Variants in NBR1 observed in about 807,000 individuals in gnomAD.
The protein encoded by NBR1 is next to BRCA1 gene 1 protein.
Under a neutral mutation model 115.5 loss-of-function variants are expected in NBR1, and 59 were observed. The observed-to-expected ratio is 0.51, with a 90% CI of 0.41 to 0.63. The LOEUF is 0.63. Ranked by LOEUF, NBR1 falls within the 30% of genes least tolerant of loss-of-function variation. The probability of loss-of-function intolerance (pLI) is 0.00; values close to 1 mark genes in which losing one functional copy is unlikely to be tolerated. For missense variants in NBR1, 1,043 were observed against 1,150.5 expected, an observed-to-expected ratio of 0.91 and a Z score of 1.35; for synonymous variants, 373 against 414.7, an observed-to-expected ratio of 0.90 and a Z score of 1.22.
chr17:43,203,488 C>G (rs1197874114), intron 19 of NBR1, among the ~76,000 whole-genome samples, 193 bp from the exon 20 acceptor site: 7 of 152,176 alleles, frequency 4.6e-5, no homozygotes, highest in African/African-American at 1.7e-4. Context: ...CTTGCTTGCA[C>G]CAGTAGAGCT....
intron 8 of NBR1, 159 bp downstream of exon 8, chr17:43,189,961 C>A: frequency 1.5e-6 from 1 of 654,352 alleles, no homozygotes; most frequent in Non-Finnish European, 2.7e-6. Flanking sequence ...CACCCACATG[C>A]TTTGTATGTT....
At position 43,191,450 on chromosome 17, in the gene NBR1, A is replaced by T. The variant is rs753743690; in HGVS notation, c.942A>T (p.Ala314=). 1.2e-6 allele frequency: 2 copies of T among 1,613,406 alleles called. No homozygotes were observed. Among genetic ancestry groups the T allele is most frequent in the Non-Finnish European group, 1.7e-6 (2 of 1,179,604 alleles). ...RLRAEKKQRK[A]EVKELKKQLK... Reference sequence around the variant, plus strand: ...GAGCTGAGAAGAAACAACGTAAAGCAGAGGTCAAGGAACTTAAAAAGCAGC... The same window carrying T: ...GAGCTGAGAAGAAACAACGTAAAGCTGAGGTCAAGGAACTTAAAAAGCAGC... The change falls in exon 10 of 21, where the codon GCA becomes GCT. Residue 314 remains alanine, a synonymous_variant. Coordinates refer to ENST00000590996, the MANE Select transcript of NBR1 (RefSeq NM_005899.5).
At chr17:43,208,126 G>A (rs1280155166) in intron 20 of NBR1, among the ~76,000 whole-genome samples, 1 of 152,250 alleles carries the variant, frequency 6.6e-6, no homozygotes, top group Non-Finnish European at 1.5e-5. Context: ...ATGCTACAGA[G>A]AGATATGAAC....
chr17:43,208,107 C>T (rs539382515), intron 20 of NBR1, among the ~76,000 whole-genome samples: 7 of 152,222 alleles, frequency 4.6e-5, no homozygotes, highest in African/African-American at 1.4e-4. Flanking sequence ...ACATGGTCAA[C>T]GGTGTTAGAT....
chr17:43,202,196 A>AAC (rs2057217841), intron 18 of NBR1, among the ~76,000 whole-genome samples: 2 of 150,806 alleles, frequency 1.3e-5, no homozygotes, highest in Non-Finnish European at 3.0e-5. Flanking sequence ...AAAAAAAAAA[A>AAC]ACTTGCCCTT....
chr17:43,208,419 T>G (rs1268335823), intron 20 of NBR1, among the ~76,000 whole-genome samples: 1 of 152,202 alleles, frequency 6.6e-6, no homozygotes. Context: ...AATAAGAAGG[T>G]AGAATGGAAC....
chr17:43,202,179 GA>G (rs66915634), intron 18 of NBR1, among the ~76,000 whole-genome samples: 20 of 117,956 alleles, frequency 1.7e-4, no homozygotes, highest in African/African-American at 6.1e-4. Context: ...GACTCCGTCT[GA>G]AAAAAAAAAA....
Position 43,203,736 on chromosome 17 carries a change from G to T in NBR1, c.2677G>T (p.Ala893Ser), listed in dbSNP as rs775440109. ...ACTGGTGAAGGGGGCTTTGTCTGTT[G>T]CTGCCTCTGCATACAAGGCCCTGTT... Reference protein sequence around the residue: ...GGLVKGALSVAASAYKALFAG... With the variant: ...GGLVKGALSVSASAYKALFAG... Residue 893 changes from alanine to serine, a missense_variant, in exon 20 of 21, where the codon GCT becomes TCT. Transcript: ENST00000590996. 6.2e-7 allele frequency: 1 copy of T among 1,609,318 alleles called. No homozygotes were observed. The highest frequency in any genetic ancestry group is 1.1e-5 in the South Asian group (1 of 89,892).
chr17:43,174,259 A>G (rs2056449847), intron 1 of NBR1, among the ~76,000 whole-genome samples: 1 of 152,156 alleles, frequency 6.6e-6, no homozygotes, highest in Non-Finnish European at 1.5e-5. Context: ...GATTCATTAT[A>G]TTCTCTCTAC....
At chr17:43,192,946 G>A in intron 10 of NBR1, 148 bp from the exon 11 acceptor site, 2 of 692,962 alleles carry the variant, frequency 2.9e-6, no homozygotes. Context: ...CTAATATGTG[G>A]TCCTATACTA....
In NBR1 at chr17:43,193,485, C is replaced by A. The variant is rs768539439; in HGVS notation, c.1371C>A (p.Ser457=). The part of the protein sequence containing the change: ...IAPALEGTYT[S]HWRLSHKGQQ... Reference sequence around the variant, plus strand: ...CAGCCTTGGAGGGAACGTATACTTCCCATTGGCGTCTTTCTCACAAAGGCC... The same window carrying A: ...CAGCCTTGGAGGGAACGTATACTTCACATTGGCGTCTTTCTCACAAAGGCC... The change falls in exon 12 of 21, where the codon TCC becomes TCA. Residue 457 remains serine, a synonymous_variant. Transcript: ENST00000590996. The A allele has an allele frequency of 5.6e-6, 9 of 1,613,862 alleles. No homozygotes were observed. Among genetic ancestry groups the A allele is most frequent in the Non-Finnish European group, 7.6e-6 (9 of 1,179,842 alleles).
rs1159237391 is a variant in NBR1 at position 43,209,876 on chromosome 17, TTTTGC to T, written c.2728-17_2728-13del. On this transcript the variant is annotated intron_variant, in intron 20 of 20. Transcript: ENST00000590996. The stretch of plus-strand genomic sequence containing the variant: ...AATTATACAGAATTTTTTTTTTTTT[TTTTGC>T]TTTGCTTGTCTCTACACAGCCAATA... 3.4e-6 allele frequency: 5 copies of T among 1,453,300 alleles called. No individual in the cohort carries two copies. Among genetic ancestry groups the T allele is most frequent in the Non-Finnish European group, 4.5e-6 (5 of 1,102,400 alleles). The allele number at this position is 1,453,300 out of a possible 1,614,324, so 90.0% of individuals were successfully genotyped here. A position where few individuals can be genotyped will look rare whatever the true frequency, so the allele number is the denominator to read the frequency against.
chr17:43,194,479 G>A lies in NBR1; in HGVS notation c.1654G>A (p.Val552Met). ...ASERELYIPS[V>M]DLLTAQDLLS... The stretch of plus-strand genomic sequence containing the variant: ...TGAGAGGGAGCTCTACATCCCATCT[G>A]TGGATCTTCTGACTGCCCAGGTGGA... The change falls in exon 13 of 21, where the codon GTG becomes ATG. Residue 552 changes from valine to methionine, a missense_variant. By Grantham distance (21) the Val-to-Met change is conservative. Transcript: ENST00000590996. 6.2e-7 allele frequency: 1 copy of A among 1,613,986 alleles called. No homozygotes were observed. Among genetic ancestry groups the A allele is most frequent in the South Asian group, 1.1e-5 (1 of 91,086 alleles).
chr17:43,177,299 G>GTT (rs560292007), intron 2 of NBR1, among the ~76,000 whole-genome samples: 1 of 137,086 alleles, frequency 7.3e-6, no homozygotes, highest in Non-Finnish European at 1.6e-5. Flanking sequence ...GATATTTTTC[G>GTT]TTTTTTTTTT....
At chr17:43,174,393 C>G (rs532049609) in intron 1 of NBR1, among the ~76,000 whole-genome samples, 1 of 152,132 alleles carries the variant, frequency 6.6e-6, no homozygotes, top group Non-Finnish European at 1.5e-5. Context: ...GTCAGGAGAT[C>G]GAGACCATCC....
chr17:43,193,261 T>C lies in NBR1; in HGVS notation c.1233+8T>C. The C allele has an allele frequency of 1.2e-6, 2 of 1,613,872 alleles. No individual in the cohort carries two copies. Among genetic ancestry groups the C allele is most frequent in the South Asian group, 1.1e-5 (1 of 91,080 alleles). ...TGGAGTGCAGACACAAAGGTAATTT[T>C]TCCCACAAAATGCAAAGATGAGGTG... On this transcript the variant is annotated splice_region_variant and intron_variant, in intron 11 of 20. Coordinates refer to ENST00000590996, the MANE Select transcript of NBR1 (RefSeq NM_005899.5).
Position 43,175,832 on chromosome 17 carries a change from T to C in NBR1, c.33T>C (p.Phe11=). ...CACAGGTTACTCTAAATGTGACTTT[T>C]AAAAATGAAATTCAAAGCTTTCTGG... The part of the protein sequence containing the change: MEPQVTLNVT[F]KNEIQSFLVS... Residue 11 remains phenylalanine, a synonymous_variant, in exon 2 of 21, where the codon TTT becomes TTC. Coordinates refer to ENST00000590996, the MANE Select transcript of NBR1 (RefSeq NM_005899.5). 2 of 1,604,850 alleles carry C rather than the reference T, an allele frequency of 1.2e-6. No homozygotes were observed. The highest frequency in any genetic ancestry group is 1.7e-6 in the Non-Finnish European group (2 of 1,174,266).
intron 1 of NBR1, among the ~76,000 whole-genome samples, chr17:43,171,870 T>C (rs964423324): frequency 2.0e-5 from 3 of 152,166 alleles, no homozygotes; most frequent in African/African-American, 7.2e-5. Flanking sequence ...CTTGAACTGC[T>C]GAGCTCAAGC....
At chr17:43,191,956 G>A (rs1460740570) in intron 10 of NBR1, among the ~76,000 whole-genome samples, 1 of 149,882 alleles carries the variant, frequency 6.7e-6, no homozygotes, top group East Asian at 2.0e-4. Context: ...TCTTGACCTC[G>A]TGATCCGCCC....
Sources: gnomAD v4.1 joint callset for allele counts (sites outside exome capture counted in the v4.1 genomes callset) on GRCh38, gnomAD v4.1.1 for gene constraint, MANE v1.5 for transcripts, NCBI Gene and HGNC (gene_info 2026-07-23, HGNC 2026-07-21) for gene names.